Variants in PTCH1 observed in about 807,000 individuals in gnomAD.
The protein encoded by PTCH1 is patched 1, also known as protein patched homolog 1.
In PTCH1, 14 loss-of-function variants were observed where a neutral mutation model predicts 144.6. That is an observed-to-expected ratio of 0.10 (90% CI 0.06 to 0.15). The LOEUF is 0.15. Ranked by LOEUF, PTCH1 falls within the 10% of genes least tolerant of loss-of-function variation. The pLI, the probability that PTCH1 is intolerant of heterozygous loss-of-function variation, is 1.00. For missense variants in PTCH1, 1,623 were observed against 1,948.3 expected, an observed-to-expected ratio of 0.83 and a Z score of 3.14; for synonymous variants, 833 against 793.6, an observed-to-expected ratio of 1.05 and a Z score of -0.83.
rs374613113 is a variant in PTCH1, at chr9:95,459,804, G to A, written c.2704-21C>T. On this transcript the variant is annotated intron_variant, in intron 16 of 23. Transcript: ENST00000331920. ...GTCAACTACAAAAACGGGAAGAACA[G>A]AGGCCTTTGAGAATGGGGTTGGGGG... is the stretch of plus-strand genomic sequence containing the variant. 3.7e-4 allele frequency: 597 copies of A among 1,613,120 alleles called. No homozygotes were observed. Among genetic ancestry groups the A allele is most frequent in the Non-Finnish European group, 4.7e-4 (550 of 1,179,930 alleles).
intron 3 of PTCH1, 142 bp downstream of exon 3, chr9:95,485,543 T>C: frequency 1.0e-6 from 1 of 998,512 alleles, no homozygotes. Context: ...AAAAAATCCT[T>C]TCATTGCAAA....
In PTCH1 at chr9:95,453,299, T is replaced by C. The variant is rs778299299; in HGVS notation, c.3449+179A>G. ...GGCACCCACCACCACGCCCGGCTAA[T>C]TTTTGTATTTTGAGTGGAGATGAGT... On this transcript the variant is annotated intron_variant, in intron 20 of 23. Coordinates refer to ENST00000331920, the MANE Select transcript of PTCH1 (RefSeq NM_000264.5). The C allele has an allele frequency of 2.9e-4, 250 of 857,780 alleles. 1 individual carries two copies. Among genetic ancestry groups the C allele is most frequent in the Non-Finnish European group, 4.5e-4 (248 of 553,080 alleles). The allele number at this position is 857,780 out of a possible 1,614,324, so 53.1% of individuals were successfully genotyped here.
At chr9:95,455,804 C>T (rs1838866913) in intron 19 of PTCH1, among the ~76,000 whole-genome samples, 1 of 152,172 alleles carries the variant, frequency 6.6e-6, no homozygotes, top group Admixed American at 6.5e-5. Context: ...GAGGGTACTT[C>T]CTTGGCTGCC....
At chr9:95,497,421 T>G (rs10512248) in intron 2 of PTCH1, among the ~76,000 whole-genome samples, 55,931 of 152,080 alleles carry the variant, frequency 0.37, 10,966 homozygotes, top group African/African-American at 0.49. Flanking sequence ...AGCCATTTAC[T>G]TCAGAACATA....
At position 95,476,404 on chromosome 9, in the gene PTCH1, C is replaced by A. The variant is rs900027209; in HGVS notation, c.1603-245G>T. ...AGAAAGCTGCAAGATAATGACTTAA[C>A]GCTTAAGTATAATTTTAAAAGGGAG... On this transcript the variant is annotated intron_variant, in intron 11 of 23. Transcript: ENST00000331920. The surrounding 1 kb of genome is among the most constrained non-coding windows in gnomAD (Gnocchi z 4.6). 6.6e-6 allele frequency among the ~76,000 whole-genome samples: 1 copy of A among 152,126 alleles called. No homozygotes were observed. Among genetic ancestry groups the A allele is most frequent in the Admixed American group, 6.5e-5 (1 of 15,278 alleles).
intron 5 of PTCH1, among the ~76,000 whole-genome samples, chr9:95,480,856 A>G (rs954764607): frequency 1.3e-5 from 2 of 152,232 alleles, no homozygotes; most frequent in Admixed American, 1.3e-4. Context: ...CTGATATTGT[A>G]TATTTAATAT....
chr9:95,481,699 A>G (rs1841545819), intron 5 of PTCH1: 4 of 545,710 alleles, frequency 7.3e-6, no homozygotes, highest in Non-Finnish European at 1.3e-5. Context: ...TTTGCATTTT[A>G]TTTGCATATA....
intron 2 of PTCH1, chr9:95,494,786 GA>G (rs1222081745): frequency 6.6e-6 from 1 of 152,322 alleles, no homozygotes; most frequent in Non-Finnish European, 1.5e-5. Context: ...AATAGAAACA[GA>G]AAGAAACCCA....
intron 12 of PTCH1, among the ~76,000 whole-genome samples, chr9:95,471,811 G>A (rs1840612519): frequency 2.6e-5 from 4 of 152,132 alleles, no homozygotes; most frequent in South Asian, 2.1e-4. Context: ...AGGCCGAGGC[G>A]GGCAGATCAC....
intron 16 of PTCH1, among the ~76,000 whole-genome samples, chr9:95,460,713 C>T (rs1357221838): frequency 6.6e-6 from 1 of 152,120 alleles, no homozygotes; most frequent in African/African-American, 2.4e-5. Context: ...CAGCGCAGCC[C>T]GTGGCCTCTG....
intron 19 of PTCH1, among the ~76,000 whole-genome samples, chr9:95,455,429 T>A (rs1355960596): frequency 6.6e-6 from 1 of 152,224 alleles, no homozygotes; most frequent in Non-Finnish European, 1.5e-5. Context: ...CACGTCGATA[T>A]TTAACAGGTG....
At chr9:95,472,651 A>G (rs1840682185) in intron 12 of PTCH1, among the ~76,000 whole-genome samples, 1 of 152,202 alleles carries the variant, frequency 6.6e-6, no homozygotes, top group African/African-American at 2.4e-5. Flanking sequence ...GGGCACAGGC[A>G]TGGGCACCAG....
At chr9:95,483,681 T>G (rs113896928) in intron 3 of PTCH1, 1 of 152,270 alleles carries the variant, frequency 6.6e-6, no homozygotes, top group South Asian at 2.1e-4. Context: ...ACGTTTCCTT[T>G]GTCCATGTCT....
Position 95,476,604 on chromosome 9 carries a change from C to G in PTCH1, c.1602+155G>C, listed in dbSNP as rs980904997. ...AGCAAATACATGTCCTGAGAGTCTT[C>G]CAGCTTATTTCATTGACTGGCAGCC... On this transcript the variant is annotated intron_variant, in intron 11 of 23. Transcript: ENST00000331920. The surrounding 1 kb of genome is among the most constrained non-coding windows in gnomAD (Gnocchi z 4.6). 6.6e-6 allele frequency among the ~76,000 whole-genome samples: 1 copy of G among 152,016 alleles called. No individual in the cohort carries two copies. Among genetic ancestry groups the G allele is most frequent in the Non-Finnish European group, 1.5e-5 (1 of 68,024 alleles).
intron 15 of PTCH1, among the ~76,000 whole-genome samples, chr9:95,465,356 T>A (rs1355534699): frequency 2.0e-5 from 3 of 152,186 alleles, no homozygotes; most frequent in Admixed American, 6.5e-5. Context: ...TATTTATATG[T>A]CTTTGGTCAA....
At chr9:95,494,649 G>A (rs901999119) in intron 2 of PTCH1, among the ~76,000 whole-genome samples, 1 of 152,220 alleles carries the variant, frequency 6.6e-6, no homozygotes, top group Non-Finnish European at 1.5e-5. Context: ...CGGGCCCAGA[G>A]GTGTGATGAC....
At chr9:95,457,937 A>T (rs1286409620) in intron 18 of PTCH1, 76 bp downstream of exon 18, 2 of 1,589,348 alleles carry the variant, frequency 1.3e-6, no homozygotes, top group African/African-American at 1.3e-5. Flanking sequence ...CCAGACATAA[A>T]CAAAACTTCC....
intron 2 of PTCH1, among the ~76,000 whole-genome samples, chr9:95,489,338 AG>A (rs540309152): frequency 4.9e-4 from 74 of 152,172 alleles, no homozygotes; most frequent in African/African-American, 1.7e-3. Context: ...TTGGAGAAAT[AG>A]GTTTCCCCCT....
intron 2 of PTCH1, among the ~76,000 whole-genome samples, chr9:95,495,683 C>A (rs1341403492): frequency 6.6e-6 from 1 of 152,102 alleles, no homozygotes; most frequent in Non-Finnish European, 1.5e-5. Context: ...CTATCCCATC[C>A]AGCAAGGATA....
Sources: gnomAD v4.1 joint callset for allele counts (sites outside exome capture counted in the v4.1 genomes callset) on GRCh38, gnomAD v4.1.1 for gene constraint, Gnocchi (gnomAD v3.1) non-coding constraint, MANE v1.5 for transcripts, NCBI Gene and HGNC (gene_info 2026-07-23, HGNC 2026-07-21) for gene names.